DAB1: variants seen among roughly 807,000 people sequenced by gnomAD.
DAB1 encodes the protein DAB adaptor protein 1.
Under a neutral mutation model 64.6 loss-of-function variants are expected in DAB1, and 15 were observed. The observed-to-expected ratio is 0.23, with a 90% CI of 0.16 to 0.36. The LOEUF (loss-of-function observed/expected upper bound fraction) is 0.36, where lower values mean the gene tolerates loss of function less well. Ranked by LOEUF, DAB1 falls within the 10% of genes least tolerant of loss-of-function variation. The pLI is 1.00. For missense variants in DAB1, 596 were observed against 706.7 expected (o/e 0.84, Z 1.78); for synonymous variants, 235 against 251.9 (o/e 0.93, Z 0.64).
At chr1:57,549,056 C>T (rs1489714819) in intron 7 of DAB1, among the ~76,000 whole-genome samples, 2 of 152,098 alleles carry the variant, frequency 1.3e-5, no homozygotes, top group Non-Finnish European at 2.9e-5. Context: ...AAGAAATGGA[C>T]GGCTTTGTGT....
intron 3 of DAB1, chr1:58,481,178 T>C: frequency 2.5e-6 from 2 of 808,688 alleles, no homozygotes; most frequent in Non-Finnish European, 4.2e-6. Flanking sequence ...TGAGAGCCTA[T>C]AAAGAAATAA....
chr1:57,234,126 T>C (rs1165905132), intron 2 of DAB1, among the ~76,000 whole-genome samples: 1 of 152,330 alleles, frequency 6.6e-6, no homozygotes, highest in African/African-American at 2.4e-5. Flanking sequence ...TACTATTGCT[T>C]GTACAAATAT....
intron 4 of DAB1, among the ~76,000 whole-genome samples, chr1:58,153,759 C>G (rs994290838): frequency 6.6e-6 from 1 of 150,990 alleles, no homozygotes; most frequent in African/African-American, 2.4e-5. Context: ...ATAGAGTTGC[C>G]AGGACTGTGG....
intron 4 of DAB1, among the ~76,000 whole-genome samples, chr1:58,202,309 G>C (rs1658040074): frequency 6.6e-6 from 1 of 152,088 alleles, no homozygotes; most frequent in Non-Finnish European, 1.5e-5. Context: ...TTCTCCATTG[G>C]TTTAAGATAG....
intron 7 of DAB1, among the ~76,000 whole-genome samples, chr1:57,483,648 G>A (rs535312660): frequency 7.2e-4 from 110 of 151,834 alleles, no homozygotes; most frequent in African/African-American, 2.3e-3. Flanking sequence ...GTCTTGCTCC[G>A]TTGCCCAGGC....
intron 5 of DAB1, among the ~76,000 whole-genome samples, chr1:58,045,842 C>T (rs995308212): frequency 1.3e-5 from 2 of 151,992 alleles, no homozygotes; most frequent in Non-Finnish European, 2.9e-5. Flanking sequence ...TCCTTTCACA[C>T]AGCATAGAGA....
chr1:57,498,829 T>C (rs948772152), intron 7 of DAB1, among the ~76,000 whole-genome samples: 8 of 152,222 alleles, frequency 5.3e-5, no homozygotes, highest in Non-Finnish European at 1.2e-4. Flanking sequence ...CTAGCATGTT[T>C]AGTTGATGAC....
intron 5 of DAB1, among the ~76,000 whole-genome samples, chr1:57,977,955 G>A (rs1645962210): frequency 6.6e-6 from 1 of 152,196 alleles, no homozygotes; most frequent in African/African-American, 2.4e-5. Flanking sequence ...CTCATGGATA[G>A]GAAGAATGAA....
chr1:58,533,963 A>T, intron 1 of DAB1: 2 of 872,444 alleles, frequency 2.3e-6, no homozygotes, highest in Non-Finnish European at 4.0e-6. Flanking sequence ...AGCATGCCCA[A>T]GTACTGCATG....
intron 5 of DAB1, among the ~76,000 whole-genome samples, chr1:57,916,915 C>T (rs1644735167): frequency 6.6e-6 from 1 of 151,754 alleles, no homozygotes; most frequent in Non-Finnish European, 1.5e-5. Flanking sequence ...TGCACTCCAG[C>T]CTGGGTGTCA....
intron 3 of DAB1, among the ~76,000 whole-genome samples, chr1:58,416,352 A>G (rs1644720298): frequency 6.6e-6 from 1 of 152,134 alleles, no homozygotes; most frequent in Non-Finnish European, 1.5e-5. Context: ...TTCCATTTGG[A>G]GACTGGGTAT....
At chr1:57,952,483 G>T (rs1645300450) in intron 5 of DAB1, among the ~76,000 whole-genome samples, 1 of 152,074 alleles carries the variant, frequency 6.6e-6, no homozygotes, top group African/African-American at 2.4e-5. Context: ...TGAGGATGTA[G>T]GTGCAGGTGA....
At chr1:57,944,575 C>T (rs1645156374) in intron 5 of DAB1, among the ~76,000 whole-genome samples, 1 of 152,154 alleles carries the variant, frequency 6.6e-6, no homozygotes, top group South Asian at 2.1e-4. Flanking sequence ...AAAGCTACTA[C>T]TTGTCATTGG....
chr1:58,068,978 G>C (rs571998834), intron 5 of DAB1, among the ~76,000 whole-genome samples: 27 of 152,236 alleles, frequency 1.8e-4, no homozygotes, highest in Admixed American at 3.3e-4. Context: ...TGACCCTGGA[G>C]GGCTGGGTGT....
At chr1:57,192,194 G>C (rs1664194019) in intron 2 of DAB1, among the ~76,000 whole-genome samples, 1 of 152,110 alleles carries the variant, frequency 6.6e-6, no homozygotes, top group African/African-American at 2.4e-5. Flanking sequence ...GTGGGCACCT[G>C]TAGTCCCAGG....
At chr1:57,023,456 G>T in intron 11 of DAB1, 75 bp downstream of exon 11, 1 of 831,148 alleles carries the variant, frequency 1.2e-6, no homozygotes, top group Non-Finnish European at 2.0e-6. Flanking sequence ...TCATTCGGTG[G>T]CTGGCTCTGT....
At chr1:58,357,396 G>A (rs753837677) in intron 3 of DAB1, among the ~76,000 whole-genome samples, 15 of 152,114 alleles carry the variant, frequency 9.9e-5, no homozygotes, top group Non-Finnish European at 1.5e-4. Flanking sequence ...TGGTGGTGCC[G>A]TTTCTGCACA....
At chr1:57,137,247 C>CA (rs750943426) in intron 3 of DAB1, among the ~76,000 whole-genome samples, 158 of 152,144 alleles carry the variant, frequency 1.0e-3, no homozygotes, top group Non-Finnish European at 2.0e-3. Context: ...TTCCATTTAT[C>CA]AAAAAAACTG....
At chr1:57,819,483 C>T (rs1352054187) in intron 6 of DAB1, among the ~76,000 whole-genome samples, 1 of 152,170 alleles carries the variant, frequency 6.6e-6, no homozygotes, top group Non-Finnish European at 1.5e-5. Context: ...GAAGTGGAAA[C>T]AGTTTTAATA....
Sources: gnomAD v4.1 joint callset for allele counts (sites outside exome capture counted in the v4.1 genomes callset) on GRCh38, gnomAD v4.1.1 for gene constraint, MANE v1.5 for transcripts, NCBI Gene and HGNC (gene_info 2026-07-23, HGNC 2026-07-21) for gene names.